Variants in GLIS1 observed in about 807,000 individuals in gnomAD.
The protein encoded by GLIS1 is zinc finger protein GLIS1.
In GLIS1, 24 loss-of-function variants were observed where a neutral mutation model predicts 63.8. That is an observed-to-expected ratio of 0.38 (90% CI 0.27 to 0.53). The LOEUF (loss-of-function observed/expected upper bound fraction) is 0.53. Ranked by LOEUF, GLIS1 falls within the 20% of genes least tolerant of loss-of-function variation. The pLI, the probability that GLIS1 is intolerant of heterozygous loss-of-function variation, is 0.85. For synonymous variants in GLIS1, 450 were observed against 482.5 expected (o/e 0.93, Z 0.88); for missense variants, 1,036 against 1,074.1 (o/e 0.96, Z 0.50).
intron 2 of GLIS1, among the ~76,000 whole-genome samples, chr1:53,675,556 G>T (rs1646202182): frequency 6.6e-6 from 1 of 152,192 alleles, no homozygotes. Context: ...TCCCACACCT[G>T]TCTGGGGAAA....
intron 4 of GLIS1, among the ~76,000 whole-genome samples, chr1:53,568,568 C>A (rs1644955895): frequency 6.6e-6 from 1 of 152,020 alleles, no homozygotes; most frequent in African/African-American, 2.4e-5. Context: ...CTCTGTGTCC[C>A]CACCCAAATT....
At chr1:53,702,754 C>CTCGG (rs1646537434) in intron 2 of GLIS1, among the ~76,000 whole-genome samples, 1 of 152,032 alleles carries the variant, frequency 6.6e-6, no homozygotes, top group African/African-American at 2.4e-5. Flanking sequence ...CCACAGAAGA[C>CTCGG]TCTGGCCACA....
chr1:53,605,170 C>T (rs1490491657), intron 2 of GLIS1, among the ~76,000 whole-genome samples: 1 of 152,012 alleles, frequency 6.6e-6, no homozygotes, highest in Non-Finnish European at 1.5e-5. Flanking sequence ...AAATCACTGT[C>T]AAATACTGAA....
chr1:53,663,218 A>G (rs777039302), intron 2 of GLIS1, among the ~76,000 whole-genome samples: 42 of 152,224 alleles, frequency 2.8e-4, no homozygotes, highest in Non-Finnish European at 5.4e-4. Context: ...TCCCACAGCC[A>G]GGTGAATAAC....
At chr1:53,602,965 C>T (rs968904124) in intron 2 of GLIS1, among the ~76,000 whole-genome samples, 3 of 152,188 alleles carry the variant, frequency 2.0e-5, no homozygotes, top group African/African-American at 4.8e-5. Flanking sequence ...CCCGCTCCAT[C>T]GACAGATGAG....
At chr1:53,552,792 GTT>G (rs1644773509) in intron 4 of GLIS1, among the ~76,000 whole-genome samples, 1 of 152,190 alleles carries the variant, frequency 6.6e-6, no homozygotes, top group African/African-American at 2.4e-5. Flanking sequence ...GAGTTCTTCT[GTT>G]TTTATTTTTG....
At chr1:53,520,518 C>T (rs1644396442) in intron 7 of GLIS1, 116 bp downstream of exon 7, 1 of 1,204,492 alleles carries the variant, frequency 8.3e-7, no homozygotes, top group Non-Finnish European at 1.1e-6. Context: ...TGAGTGAGTG[C>T]CTGCAACATG....
At chr1:53,535,942 C>T (rs903201280) in intron 4 of GLIS1, among the ~76,000 whole-genome samples, 5 of 152,050 alleles carry the variant, frequency 3.3e-5, no homozygotes, top group African/African-American at 1.2e-4. Flanking sequence ...ACCCCCGTAC[C>T]CACACCAATG....
chr1:53,633,398 T>C (rs548572351), intron 2 of GLIS1, among the ~76,000 whole-genome samples: 66 of 148,046 alleles, frequency 4.5e-4, no homozygotes, highest in South Asian at 3.7e-3. Flanking sequence ...TGAATGAGTG[T>C]GACTGAGGGG....
At chr1:53,570,452 A>C (rs567545224) in intron 4 of GLIS1, among the ~76,000 whole-genome samples, 4 of 152,278 alleles carry the variant, frequency 2.6e-5, no homozygotes, top group Non-Finnish European at 5.9e-5. Context: ...ATTCCAAAAT[A>C]CACATATGGA....
chr1:53,582,209 A>T (rs12140369), intron 4 of GLIS1, among the ~76,000 whole-genome samples: 77,643 of 152,144 alleles, frequency 0.51, 23,163 homozygotes, highest in Admixed American at 0.66. Context: ...TGAAGAAAGG[A>T]GGCTGGCAGA....
intron 2 of GLIS1, among the ~76,000 whole-genome samples, chr1:53,711,880 TTTCCCCA>T (rs1003429907): frequency 1.9e-4 from 29 of 152,230 alleles, no homozygotes; most frequent in Non-Finnish European, 7.3e-5. Context: ...TGGGCTTTAG[TTTCCCCA>T]TTCATCTAAT....
intron 2 of GLIS1, among the ~76,000 whole-genome samples, chr1:53,695,165 C>T (rs1422316426): frequency 6.6e-6 from 1 of 152,192 alleles, no homozygotes; most frequent in African/African-American, 2.4e-5. Context: ...AGAGGAAAGC[C>T]CCCAGGCTCT....
intron 4 of GLIS1, among the ~76,000 whole-genome samples, chr1:53,573,502 G>A (rs1438641603): frequency 3.9e-5 from 6 of 152,222 alleles, no homozygotes; most frequent in African/African-American, 7.2e-5. Flanking sequence ...CCAGACCTAC[G>A]TTGTATGGAC....
intron 2 of GLIS1, among the ~76,000 whole-genome samples, chr1:53,669,135 A>C (rs956604425): frequency 6.6e-6 from 1 of 152,190 alleles, no homozygotes; most frequent in Non-Finnish European, 1.5e-5. Flanking sequence ...GCAGACCTCT[A>C]TCTGGGCCTC....
In GLIS1 at chr1:53,506,771, C is replaced by G; in HGVS notation, c.2236G>C (p.Glu746Gln). The G allele has an allele frequency of 6.2e-7, 1 of 1,609,734 alleles. No homozygotes were observed. Among genetic ancestry groups the G allele is most frequent in the Non-Finnish European group, 8.5e-7 (1 of 1,179,778 alleles). Residue 746 changes from glutamate to glutamine, a missense_variant, in exon 11 of 11, where the codon GAG (glutamate) becomes CAG (glutamine). Coordinates refer to ENST00000628545, the MANE Select transcript of GLIS1 (RefSeq NM_001367484.1). Reference protein sequence around the residue: ...LSTPLPATGYEALAEASCPTA... With the variant: ...LSTPLPATGYQALAEASCPTA... ...GGGCATGAGGCCTCAGCCAGGGCCTCATAGCCTGTGAGTGGTTGGGAAAGG... is the reference window on the plus strand; with the variant it reads ...GGGCATGAGGCCTCAGCCAGGGCCTGATAGCCTGTGAGTGGTTGGGAAAGG...
In GLIS1 at chr1:53,663,942, G is replaced by GA. The variant is rs891883556; in HGVS notation, c.260-63665_260-63664insT. Among the ~76,000 whole-genome samples, 25 of 152,126 alleles carry GA rather than the reference G, an allele frequency of 1.6e-4. 1 individual carries two copies. Among genetic ancestry groups the GA allele is most frequent in the African/African-American group, 6.0e-4 (25 of 41,426 alleles). ...CGAGGGAACCGGGAAAGACTAGCCG[G>GA]GGGGCTCTATCCCAAGCCACCCCTC... On this transcript the variant is annotated intron_variant, in intron 2 of 10. Transcript: ENST00000628545.
intron 8 of GLIS1, among the ~76,000 whole-genome samples, chr1:53,513,037 C>T (rs1007592366): frequency 2.0e-5 from 3 of 152,046 alleles, no homozygotes; most frequent in African/African-American, 7.2e-5. Flanking sequence ...AAGGAGGGCC[C>T]GGTTTTCTGG....
At chr1:53,513,410 C>T (rs866539998) in intron 8 of GLIS1, among the ~76,000 whole-genome samples, 5 of 152,276 alleles carry the variant, frequency 3.3e-5, no homozygotes, top group South Asian at 2.1e-4. Context: ...GACCTGGCGA[C>T]ATCGCTCCCA....
Sources: gnomAD v4.1 joint callset for allele counts (sites outside exome capture counted in the v4.1 genomes callset) on GRCh38, gnomAD v4.1.1 for gene constraint, MANE v1.5 for transcripts, NCBI Gene and HGNC (gene_info 2026-07-23, HGNC 2026-07-21) for gene names.